ANKS1B: variants seen among roughly 807,000 people sequenced by gnomAD.
The protein encoded by ANKS1B is ankyrin repeat and sterile alpha motif domain-containing protein 1B.
In ANKS1B, 36 loss-of-function variants were observed where a neutral mutation model predicts 148.3. That is an observed-to-expected ratio of 0.24 (90% confidence interval 0.19 to 0.32). The LOEUF is 0.32. Among genes scored for constraint, ANKS1B ranks in the 10% least tolerant of loss-of-function variants. ANKS1B has a pLI of 1.00. For synonymous variants in ANKS1B, 542 were observed against 560.8 expected (o/e 0.97, Z 0.47); for missense variants, 1,157 against 1,542.6 (o/e 0.75, Z 4.19).
intron 17 of ANKS1B, among the ~76,000 whole-genome samples, chr12:98,940,941 T>C (rs923751989): frequency 2.6e-5 from 4 of 152,298 alleles, no homozygotes; most frequent in African/African-American, 9.6e-5. Context: ...TGACATATGG[T>C]ATGATTCCTT....
intron 12 of ANKS1B, among the ~76,000 whole-genome samples, chr12:99,315,238 CAA>C (rs797010918): frequency 5.9e-5 from 5 of 84,714 alleles, no homozygotes; most frequent in Admixed American, 1.3e-4. Context: ...GACTTCATCT[CAA>C]AAAAAAAAAA....
At chr12:98,890,613 T>C (rs1452380584) in intron 17 of ANKS1B, among the ~76,000 whole-genome samples, 1 of 152,206 alleles carries the variant, frequency 6.6e-6, no homozygotes, top group Non-Finnish European at 1.5e-5. Context: ...ACACAAAACA[T>C]ACCACTTGTT....
At chr12:99,837,563 A>G (rs1326506682) in intron 1 of ANKS1B, among the ~76,000 whole-genome samples, 2 of 152,202 alleles carry the variant, frequency 1.3e-5, no homozygotes, top group East Asian at 1.9e-4. Flanking sequence ...GTTAATCTTC[A>G]TAACAACCAT....
intron 17 of ANKS1B, among the ~76,000 whole-genome samples, chr12:99,036,186 T>C (rs1411718511): frequency 2.6e-5 from 4 of 152,182 alleles, no homozygotes; most frequent in Non-Finnish European, 5.9e-5. Flanking sequence ...GCCTGACAAC[T>C]ACCATGACTG....
intron 9 of ANKS1B, among the ~76,000 whole-genome samples, chr12:98,737,070 C>CTT (rs2097777171): frequency 6.6e-6 from 1 of 152,188 alleles, no homozygotes; most frequent in Non-Finnish European, 1.5e-5. Context: ...TCCTGAAGCA[C>CTT]TTATCTCATT....
chr12:99,637,549 G>A (rs552548013), intron 9 of ANKS1B, among the ~76,000 whole-genome samples: 21 of 152,156 alleles, frequency 1.4e-4, no homozygotes, highest in South Asian at 6.2e-4. Context: ...CTGGGCAGGC[G>A]CAATCTAATC....
chr12:99,829,411 G>A (rs920195824), intron 1 of ANKS1B, among the ~76,000 whole-genome samples: 8 of 152,138 alleles, frequency 5.3e-5, no homozygotes, highest in Admixed American at 1.3e-4. Flanking sequence ...AGCACTTTGG[G>A]AGGCTGAGTA....
chr12:99,160,218 CTTTAA>C (rs1488542564), intron 14 of ANKS1B, among the ~76,000 whole-genome samples: 2 of 152,062 alleles, frequency 1.3e-5, no homozygotes, highest in African/African-American at 2.4e-5. Context: ...TGCAGAAGCT[CTTTAA>C]TTTAATTAGG....
chr12:99,827,406 T>G (rs1424889332), intron 1 of ANKS1B, among the ~76,000 whole-genome samples: 1 of 151,826 alleles, frequency 6.6e-6, no homozygotes, highest in East Asian at 1.9e-4. Flanking sequence ...GGGAAATAAA[T>G]ATCAGAGGAT....
chr12:99,122,274 G>A (rs557378579), intron 15 of ANKS1B, among the ~76,000 whole-genome samples: 1 of 152,176 alleles, frequency 6.6e-6, no homozygotes, highest in Non-Finnish European at 1.5e-5. Context: ...TATTAATTAA[G>A]AGTATGTTGA....
At chr12:99,776,962 C>T (rs997737239) in intron 6 of ANKS1B, among the ~76,000 whole-genome samples, 1 of 152,044 alleles carries the variant, frequency 6.6e-6, no homozygotes, top group African/African-American at 2.4e-5. Context: ...GGATTACAAG[C>T]GTGAGCCACC....
intron 8 of ANKS1B, among the ~76,000 whole-genome samples, chr12:99,656,463 T>C (rs575159925): frequency 1.5e-3 from 233 of 152,174 alleles, no homozygotes; most frequent in African/African-American, 5.5e-3. Flanking sequence ...TTATAAATAG[T>C]ATCCTCAGAG....
chr12:98,899,604 G>GGGC (rs2099769368), intron 17 of ANKS1B, among the ~76,000 whole-genome samples: 1 of 152,148 alleles, frequency 6.6e-6, no homozygotes, highest in Non-Finnish European at 1.5e-5. Flanking sequence ...TCATCCACAA[G>GGGC]AGTTTTCACC....
chr12:98,976,440 T>C (rs1410999849), intron 17 of ANKS1B: 1 of 152,202 alleles, frequency 6.6e-6, no homozygotes, highest in Admixed American at 6.5e-5. Flanking sequence ...TAGTGAAAGA[T>C]ATTCACTTTT....
chr12:99,620,016 C>T (rs2098026311), intron 9 of ANKS1B, among the ~76,000 whole-genome samples: 1 of 152,176 alleles, frequency 6.6e-6, no homozygotes, highest in African/African-American at 2.4e-5. Context: ...ATCAAGTATA[C>T]ACCCAGCTAC....
rs114562901 is a variant in ANKS1B, at chr12:99,769,529, A to G, written c.1128+3393T>C. ...TCCTACACAAGAATTTATTCTCAGGATCAATTTTAAACTTCTGGCTAGCCT... is the reference window on the plus strand; with the variant it reads ...TCCTACACAAGAATTTATTCTCAGGGTCAATTTTAAACTTCTGGCTAGCCT... On this transcript the variant is annotated intron_variant, in intron 8 of 26. Transcript: ENST00000683438. Among the ~76,000 whole-genome samples, 511 of 152,280 alleles carry G rather than the reference A, an allele frequency of 3.4e-3. 3 individuals are homozygous for G. The highest frequency in any genetic ancestry group is 0.012 in the African/African-American group (492 of 41,546).
chr12:99,334,885 T>A (rs2088456837), intron 12 of ANKS1B, among the ~76,000 whole-genome samples: 2 of 152,072 alleles, frequency 1.3e-5, no homozygotes, highest in Admixed American at 1.3e-4. Context: ...TTTATGACAG[T>A]CTTTCCTTCT....
At chr12:99,693,155 TAAAC>T (rs758449780) in intron 8 of ANKS1B, among the ~76,000 whole-genome samples, 5 of 152,318 alleles carry the variant, frequency 3.3e-5, no homozygotes, top group East Asian at 1.9e-4. Flanking sequence ...TAAAGTCATT[TAAAC>T]AAACAGAAGA....
At chr12:99,203,539 C>A (rs900261163) in intron 14 of ANKS1B, among the ~76,000 whole-genome samples, 3 of 151,816 alleles carry the variant, frequency 2.0e-5, no homozygotes, top group Non-Finnish European at 4.4e-5. Context: ...CAAGCTCCGC[C>A]CTCCGGGTGC....
Sources: allele counts gnomAD v4.1 joint callset (sites outside exome capture counted in the v4.1 genomes callset), GRCh38; gene constraint gnomAD v4.1.1; transcripts MANE v1.5; gene names NCBI Gene and HGNC (gene_info 2026-07-23, HGNC 2026-07-21).